Variants in MCM2 observed in about 807,000 individuals in gnomAD.
The protein encoded by MCM2 is minichromosome maintenance complex component 2.
In MCM2, 49 loss-of-function variants were observed where a neutral mutation model predicts 86.4. That is an observed-to-expected ratio of 0.57 (90% CI 0.45 to 0.72). The LOEUF is 0.72. Among genes scored for constraint, MCM2 ranks in the 30% least tolerant of loss-of-function variants. The pLI is 0.00. For synonymous variants in MCM2, 475 were observed against 484.6 expected, an observed-to-expected ratio of 0.98 and a Z score of 0.26; for missense variants, 1,038 against 1,259.9, an observed-to-expected ratio of 0.82 and a Z score of 2.67.
chr3:127,605,788 C>T (rs1375856939), intron 4 of MCM2, among the ~76,000 whole-genome samples: 2 of 152,164 alleles, frequency 1.3e-5, no homozygotes, highest in Non-Finnish European at 2.9e-5. Flanking sequence ...CCTGCAATTC[C>T]TTCCACTGCT....
Position 127,604,978 on chromosome 3 carries a change from G to A in MCM2, c.495G>A (p.Glu165=), listed in dbSNP as rs768679089. The change falls in exon 4 of 16, where the codon GAG becomes GAA. Residue 165 remains glutamate (E), a synonymous_variant. Transcript: ENST00000265056. ...CCACGGAGGACGGCGAGGAGGACGAGGAGATGATCGAGAGCATCGAGAACC... is the reference window on the plus strand; with the variant it reads ...CCACGGAGGACGGCGAGGAGGACGAAGAGATGATCGAGAGCATCGAGAACC... ...ERATEDGEED[E]EMIESIENLE... The A allele has an allele frequency of 1.2e-6, 2 of 1,613,968 alleles. No individual in the cohort carries two copies. The highest frequency in any genetic ancestry group is 1.3e-5 in the African/African-American group (1 of 75,074).
At chr3:127,604,516 A>G in intron 2 of MCM2, 92 bp from the exon 3 acceptor site, 1 of 1,358,632 alleles carries the variant, frequency 7.4e-7, no homozygotes, top group Admixed American at 2.1e-5. Flanking sequence ...GGGCTCCTGA[A>G]CCTTAGGGAA....
chr3:127,599,530 T>A lies in MCM2; in HGVS notation c.219T>A (p.Ile73=). The part of the protein sequence containing the change: ...LEEEEDGEEL[I]GDGMERDYRA... ...AAGAAGAGGATGGAGAGGAGCTCAT[T>A]GGAGATGGCATGGAAAGGTAATTTC... Residue 73 remains isoleucine (I), a synonymous_variant, in exon 2 of 16, where the codon ATT becomes ATA. Coordinates refer to ENST00000265056, the MANE Select transcript of MCM2 (RefSeq NM_004526.4). The A allele has an allele frequency of 1.2e-6, 2 of 1,613,370 alleles. No homozygotes were observed. The highest frequency in any genetic ancestry group is 1.7e-6 in the Non-Finnish European group (2 of 1,179,596).
At chr3:127,605,888 AC>A (rs1257542306) in intron 4 of MCM2, among the ~76,000 whole-genome samples, 1 of 151,538 alleles carries the variant, frequency 6.6e-6, no homozygotes, top group Non-Finnish European at 1.5e-5. Context: ...ATTTAATTTA[AC>A]CCCCCAGCAA....
chr3:127,600,774 T>G (rs995706113), intron 2 of MCM2, among the ~76,000 whole-genome samples: 1 of 151,448 alleles, frequency 6.6e-6, no homozygotes, highest in African/African-American at 2.4e-5. Flanking sequence ...CCTTTCTCTT[T>G]GCTTCTCTGA....
chr3:127,607,975 A>G (rs1475284387), intron 6 of MCM2, among the ~76,000 whole-genome samples: 4 of 152,222 alleles, frequency 2.6e-5, no homozygotes, highest in South Asian at 2.1e-4. Context: ...GTAACTTAAC[A>G]TTTATCAGAT....
chr3:127,603,872 G>T (rs947966065), intron 2 of MCM2, among the ~76,000 whole-genome samples: 3 of 152,146 alleles, frequency 2.0e-5, no homozygotes, highest in Non-Finnish European at 4.4e-5. Context: ...ATGTTCGCCA[G>T]GATGGTCTCA....
Position 127,617,180 on chromosome 3 carries a change from G to C in MCM2, c.1773+62G>C. ...GGGGTGTGTGTGGGCTTGGGCCTTA[G>C]CGACGGGAATGGTGTTAATGGGGTC... On this transcript the variant is annotated intron_variant, in intron 10 of 15. Transcript: ENST00000265056. This position sits in a 1 kb window ranked among gnomAD's most constrained non-coding sequence, Gnocchi z 4.1. 3 of 1,604,134 alleles carry C rather than the reference G, an allele frequency of 1.9e-6. No individual in the cohort carries two copies. The highest frequency in any genetic ancestry group is 2.6e-6 in the Non-Finnish European group (3 of 1,173,382).
intron 8 of MCM2, among the ~76,000 whole-genome samples, chr3:127,615,512 G>A (rs1242914465): frequency 2.0e-5 from 3 of 152,188 alleles, no homozygotes; most frequent in African/African-American, 7.2e-5. Flanking sequence ...TTTTCCATAT[G>A]AAGAAACTGA....
At chr3:127,611,447 T>G (rs1482861711) in intron 8 of MCM2, among the ~76,000 whole-genome samples, 1 of 152,160 alleles carries the variant, frequency 6.6e-6, no homozygotes, top group Non-Finnish European at 1.5e-5. Flanking sequence ...GTGGCGGGCA[T>G]GGCATGCCTG....
chr3:127,603,870 C>CAGG (rs2074324050), intron 2 of MCM2, among the ~76,000 whole-genome samples: 1 of 152,106 alleles, frequency 6.6e-6, no homozygotes, highest in Admixed American at 6.5e-5. Flanking sequence ...CCATGTTCGC[C>CAGG]AGGATGGTCT....
In MCM2 at chr3:127,621,223, G is replaced by A; in HGVS notation, c.2599G>A (p.Asp867Asn). Residue 867 changes from aspartate to asparagine, a missense_variant, in exon 15 of 16, where the codon GAT (aspartate) becomes AAT (asparagine). Asp to Asn is a conservative substitution (Grantham distance 23). Coordinates refer to ENST00000265056, the MANE Select transcript of MCM2 (RefSeq NM_004526.4). ...TIEVPEKDLVDKARQINIHNL... is the reference protein window; with the variant it reads ...TIEVPEKDLVNKARQINIHNL... The stretch of plus-strand genomic sequence containing the variant: ...TGAGGTCCCTGAGAAGGACTTGGTG[G>A]ATAAGGTATGGGCCCGGAAGGGAGG... The A allele has an allele frequency of 1.2e-6, 2 of 1,614,094 alleles. No individual in the cohort carries two copies. The highest frequency in any genetic ancestry group is 8.5e-7 in the Non-Finnish European group (1 of 1,180,030).
At position 127,619,108 on chromosome 3, in the gene MCM2, G is replaced by A; in HGVS notation, c.2095G>A (p.Gly699Ser). Residue 699 changes from glycine to serine, a missense_variant, in exon 13 of 16, where the codon GGC (glycine) becomes AGC (serine). Around this residue, in one of 4 missense-constraint regions of MCM2, gnomAD observed 336 missense variants for 425.7 expected, o/e 0.79. Transcript: ENST00000265056. ...CAAGGAGGAGGAGGGGCTGGCCAAT[G>A]GCAGCGCTGCTGAGCCCGCCATGCC... is the stretch of plus-strand genomic sequence containing the variant. ...SNKEEEGLANGSAAEPAMPNT... is the reference protein window; with the variant it reads ...SNKEEEGLANSSAAEPAMPNT... The A allele has an allele frequency of 6.2e-7, 1 of 1,613,306 alleles. No homozygotes were observed. Among genetic ancestry groups the A allele is most frequent in the Non-Finnish European group, 8.5e-7 (1 of 1,179,708 alleles).
chr3:127,613,359 A>G (rs2107692464), intron 8 of MCM2, among the ~76,000 whole-genome samples: 1 of 152,352 alleles, frequency 6.6e-6, no homozygotes, highest in East Asian at 1.9e-4. Context: ...TCTGCCCAGC[A>G]TCTGCAGCAC....
intron 8 of MCM2, 110 bp downstream of exon 8, chr3:127,609,133 C>A: frequency 8.8e-7 from 1 of 1,142,708 alleles, no homozygotes; most frequent in South Asian, 1.4e-5. Flanking sequence ...TGCCTTATTC[C>A]CCTGGAGCTC....
rs772439652 is a variant in MCM2, at chr3:127,606,668, G to A, written c.952G>A (p.Val318Ile). ...TGGGGTGGTGACCAGCTGCACTGGC[G>A]TCCTGCCCCAGCTCAGCATGGTCAA... ...TSGVVTSCTG[V>I]LPQLSMVKYN... The change falls in exon 6 of 16, where the codon GTC (valine) becomes ATC (isoleucine). Residue 318 changes from valine (V) to isoleucine (I), a missense_variant. This residue lies in a region of MCM2 where 399 missense variants were observed against 507.2 expected (regional missense o/e 0.79). Coordinates refer to ENST00000265056, the MANE Select transcript of MCM2 (RefSeq NM_004526.4). The surrounding 1 kb of genome is among the most constrained non-coding windows in gnomAD (Gnocchi z 4.2). 28 of 1,614,074 alleles carry A rather than the reference G, an allele frequency of 1.7e-5. No individual in the cohort carries two copies. In the East Asian group the frequency reaches 2.2e-4, roughly 13 times the overall value.
chr3:127,604,760 G>T lies in MCM2; in HGVS notation c.389G>T (p.Arg130Leu), dbSNP rs775995747. The T allele has an allele frequency of 1.9e-6, 3 of 1,599,652 alleles. No homozygotes were observed. Among genetic ancestry groups the T allele is most frequent in the Non-Finnish European group, 1.7e-6 (2 of 1,173,612 alleles). ...RDREAGRGLGRMRRGLLYDSD... is the reference protein window; with the variant it reads ...RDREAGRGLGLMRRGLLYDSD... ...CGGGAGGCTGGCCGGGGCCTGGGCC[G>T]CATGCGCCGTGGGCTCCTGTATGGT... Residue 130 changes from arginine to leucine, a missense_variant, in exon 3 of 16, where the codon CGC (arginine) becomes CTC (leucine). Around this residue, in one of 4 missense-constraint regions of MCM2, gnomAD observed 300 missense variants for 307.4 expected, o/e 0.98. Coordinates refer to ENST00000265056, the MANE Select transcript of MCM2 (RefSeq NM_004526.4).
At position 127,604,686 on chromosome 3, in the gene MCM2, G is replaced by C. The variant is rs1351967095; in HGVS notation, c.315G>C (p.Leu105=). 6.2e-7 allele frequency: 1 copy of C among 1,612,682 alleles called. No homozygotes were observed. The highest frequency in any genetic ancestry group is 1.3e-5 in the African/African-American group (1 of 74,912). Residue 105 remains leucine (L), a synonymous_variant, in exon 3 of 16, where the codon CTG becomes CTC. Coordinates refer to ENST00000265056, the MANE Select transcript of MCM2 (RefSeq NM_004526.4). ...TGGATGATGAGGACGTAGAGGAGCTGACGGCCAGTCAGAGGGAGGCAGCAG... is the reference window on the plus strand; with the variant it reads ...TGGATGATGAGGACGTAGAGGAGCTCACGGCCAGTCAGAGGGAGGCAGCAG... ...LALDDEDVEE[L]TASQREAAER...
At chr3:127,614,175 C>A (rs1375478111) in intron 8 of MCM2, among the ~76,000 whole-genome samples, 3 of 152,226 alleles carry the variant, frequency 2.0e-5, no homozygotes. Context: ...ATACACCACC[C>A]ATTCACCCTT....
Sources: allele counts gnomAD v4.1 joint callset (sites outside exome capture counted in the v4.1 genomes callset), GRCh38; gene constraint gnomAD v4.1.1; regional missense constraint gnomAD v4.1.1; non-coding constraint Gnocchi (gnomAD v3.1); transcripts MANE v1.5; gene names NCBI Gene and HGNC (gene_info 2026-07-23, HGNC 2026-07-21).